Variants in TRIM66 observed in about 807,000 individuals in gnomAD.
TRIM66 encodes tripartite motif-containing protein 66.
Under a neutral mutation model 148.2 loss-of-function variants are expected in TRIM66, and 99 were observed. The ratio of observed to expected loss-of-function variants is 0.67; its 90% confidence interval spans 0.57 to 0.79. The LOEUF is 0.79. Among genes scored for constraint, TRIM66 ranks in the 30% least tolerant of loss-of-function variants. The pLI is 0.00. For synonymous variants in TRIM66, 616 were observed against 635.9 expected, an observed-to-expected ratio of 0.97 and a Z score of 0.47; for missense variants, 1,666 against 1,697.9, an observed-to-expected ratio of 0.98 and a Z score of 0.33.
At chr11:8,634,810 G>C (rs1270419267) in intron 15 of TRIM66, among the ~76,000 whole-genome samples, 1 of 152,154 alleles carries the variant, frequency 6.6e-6, no homozygotes, top group Non-Finnish European at 1.5e-5. Context: ...CAGATGTTCT[G>C]CTTCACCAAA....
In TRIM66 at chr11:8,679,732, C is replaced by T. The variant is rs2039330209; in HGVS notation, c.-302G>A. 3 of 152,784 alleles carry T rather than the reference C, an allele frequency of 2.0e-5. No homozygotes were observed. In the East Asian group the frequency reaches 5.8e-4, roughly 29 times the overall value. 9.5% of individuals were successfully genotyped at this position (152,784 alleles called of 1,614,324 possible). ...TAGACGACGATGTCTTCTTTGATCT[C>T]CCCTCCTATTCTCAAGACCCCTCTT... On this transcript the variant is annotated 5_prime_UTR_variant, in exon 3 of 25. Coordinates refer to ENST00000646038, the MANE Select transcript of TRIM66 (RefSeq NM_001388022.1).
chr11:8,635,833 A>C (rs2035829710), intron 15 of TRIM66, among the ~76,000 whole-genome samples: 1 of 152,178 alleles, frequency 6.6e-6, no homozygotes, highest in South Asian at 2.1e-4. Flanking sequence ...CACAAGCAGC[A>C]CTGACTCCAT....
chr11:8,631,072 T>C (rs1310797472), intron 15 of TRIM66, among the ~76,000 whole-genome samples: 5 of 152,164 alleles, frequency 3.3e-5, no homozygotes, highest in Admixed American at 6.5e-5. Flanking sequence ...AGATAAAACA[T>C]TGCTCTTTCA....
chr11:8,640,912 G>C lies in TRIM66; in HGVS notation c.1463C>G (p.Pro488Arg). The change falls in exon 14 of 25, where the codon CCA becomes CGA. Residue 488 changes from proline (P) to arginine (R), a missense_variant. Coordinates refer to ENST00000646038, the MANE Select transcript of TRIM66 (RefSeq NM_001388022.1). ...AGGGGGCTGCCTGAAGCTGTGGGCT[G>C]GGTGTATGCTGGGTGGGGGGACCTG... ...KGQVPPPSIH[P>R]AHSFRQPPEM... The C allele has an allele frequency of 6.4e-7, 1 of 1,550,830 alleles. No homozygotes were observed. Among genetic ancestry groups the C allele is most frequent in the African/African-American group, 1.4e-5 (1 of 73,134 alleles).
chr11:8,621,844 G>T, intron 18 of TRIM66, 25 bp from the exon 19 acceptor site: 1 of 1,512,856 alleles, frequency 6.6e-7, no homozygotes, highest in Non-Finnish European at 8.8e-7. Flanking sequence ...ACACCCCGGG[G>T]TCTTGGTGGG....
At chr11:8,670,478 T>C (rs555579494) in intron 6 of TRIM66, among the ~76,000 whole-genome samples, 3 of 152,382 alleles carry the variant, frequency 2.0e-5, no homozygotes, top group East Asian at 1.9e-4. Flanking sequence ...ACTTTCAAGA[T>C]ATATTTATGA....
intron 17 of TRIM66, among the ~76,000 whole-genome samples, chr11:8,623,499 C>A (rs1018521653): frequency 1.3e-5 from 2 of 152,032 alleles, no homozygotes; most frequent in Admixed American, 6.6e-5. Context: ...TAAGAACCAA[C>A]GATTTTTCAG....
intron 15 of TRIM66, among the ~76,000 whole-genome samples, chr11:8,634,410 C>A (rs1298181519): frequency 6.6e-6 from 1 of 152,242 alleles, no homozygotes; most frequent in Non-Finnish European, 1.5e-5. Flanking sequence ...CTCAAACAAT[C>A]TGCCTGTCTT....
intron 15 of TRIM66, among the ~76,000 whole-genome samples, chr11:8,634,197 G>A (rs923975086): frequency 3.3e-4 from 50 of 152,188 alleles, no homozygotes; most frequent in African/African-American, 1.2e-3. Context: ...AGACAATCTC[G>A]CTCTGTTGCC....
At chr11:8,676,508 T>C (rs1396527183) in intron 3 of TRIM66, among the ~76,000 whole-genome samples, 2 of 152,162 alleles carry the variant, frequency 1.3e-5, no homozygotes, top group Middle Eastern at 3.2e-3. Flanking sequence ...ATCACAATCC[T>C]GGGAATTCAG....
At chr11:8,667,190 AT>A (rs150777212) in intron 6 of TRIM66, among the ~76,000 whole-genome samples, 2,057 of 152,286 alleles carry the variant, frequency 0.014, 14 homozygotes, top group Middle Eastern at 0.02. Context: ...ATTCATTCAC[AT>A]TAAAAACCTT....
chr11:8,675,450 T>C (rs2039131803), intron 3 of TRIM66, among the ~76,000 whole-genome samples: 4 of 152,232 alleles, frequency 2.6e-5, no homozygotes, highest in Admixed American at 6.5e-5. Context: ...TGGCGTGATC[T>C]TGGCTCATAG....
chr11:8,620,020 A>G, intron 22 of TRIM66, 30 bp downstream of exon 22: 1 of 1,542,366 alleles, frequency 6.5e-7, no homozygotes. Flanking sequence ...ATGCAAGGAG[A>G]AGGTGAGAGA....
intron 15 of TRIM66, among the ~76,000 whole-genome samples, chr11:8,634,598 T>C (rs1159622919): frequency 6.6e-6 from 1 of 152,188 alleles, no homozygotes; most frequent in African/African-American, 2.4e-5. Context: ...GTTGTAGCCA[T>C]GGTCTTTCTT....
intron 4 of TRIM66, 53 bp from the exon 5 acceptor site, chr11:8,672,438 G>T: frequency 6.9e-7 from 1 of 1,456,754 alleles, no homozygotes; most frequent in South Asian, 1.4e-5. Flanking sequence ...ACAAGTTTAT[G>T]ACAGGCACTT....
In TRIM66 at chr11:8,620,518, G is replaced by A. The variant is rs541681401; in HGVS notation, c.3600C>T (p.Tyr1200=). 2.2e-5 allele frequency: 34 copies of A among 1,551,750 alleles called. No homozygotes were observed. The highest frequency in any genetic ancestry group is 2.7e-5 in the Non-Finnish European group (31 of 1,147,026). ...GGTTATAGCAGGCATTCTCACAGTC[G>A]TACTCCATCTCGGGCTGGGTCAGGC... The part of the protein sequence containing the change: ...CRSLTQPEME[Y]DCENACYNQP... Residue 1200 remains tyrosine (Y), a synonymous_variant, in exon 21 of 25, where the codon TAC becomes TAT. Coordinates refer to ENST00000646038, the MANE Select transcript of TRIM66 (RefSeq NM_001388022.1).
At chr11:8,658,338 C>T (rs569943204) in intron 6 of TRIM66, among the ~76,000 whole-genome samples, 3 of 152,330 alleles carry the variant, frequency 2.0e-5, no homozygotes, top group East Asian at 1.9e-4. Context: ...AGGAAGAAAA[C>T]GACATTTTCA....
At chr11:8,672,178 A>C in intron 5 of TRIM66, 70 bp downstream of exon 5, 1 of 1,532,528 alleles carries the variant, frequency 6.5e-7, no homozygotes, top group Non-Finnish European at 8.7e-7. Context: ...CTTCGAGAAC[A>C]AGGCCTCAAA....
chr11:8,641,036 C>A lies in TRIM66; in HGVS notation c.1339G>T (p.Ala447Ser). 6.4e-7 allele frequency: 1 copy of A among 1,551,640 alleles called. No homozygotes were observed. Residue 447 changes from alanine to serine, a missense_variant, in exon 14 of 25, where the codon GCT becomes TCT. Ala to Ser is a moderately conservative substitution (Grantham distance 99). Around this residue, in one of 3 missense-constraint regions of TRIM66, gnomAD observed 1,431 missense variants for 1,412.4 expected, o/e 1.01. Coordinates refer to ENST00000646038, the MANE Select transcript of TRIM66 (RefSeq NM_001388022.1). ...SHQSPVAQQE[A>S]LSHPSHKFQS... ...AACTTGTGTGAGGGGTGGCTAAGAG[C>A]CTCTTGCTGAGCCACTGGAGACTGG...
Sources: gnomAD v4.1 joint callset for allele counts (sites outside exome capture counted in the v4.1 genomes callset) on GRCh38, gnomAD v4.1.1 for gene constraint, gnomAD v4.1.1 regional missense constraint, MANE v1.5 for transcripts, NCBI Gene and HGNC (gene_info 2026-07-23, HGNC 2026-07-21) for gene names.